Variants in PPP2R1B observed in about 807,000 individuals in gnomAD.
PPP2R1B encodes the protein serine/threonine-protein phosphatase 2A 65 kDa regulatory subunit A beta isoform.
PPP2R1B carries 58 observed loss-of-function variants against 72.7 expected under a neutral mutation model. That is an observed-to-expected ratio of 0.80 (90% CI 0.65 to 0.99). The LOEUF (loss-of-function observed/expected upper bound fraction) is 0.99, where lower values mean the gene tolerates loss of function less well. Ranked by LOEUF, PPP2R1B falls within the 50% of genes least tolerant of loss-of-function variation. PPP2R1B has a pLI of 0.00. For missense variants in PPP2R1B, 695 were observed against 733.6 expected, an observed-to-expected ratio of 0.95 and a Z score of 0.61; for synonymous variants, 256 against 264.6, an observed-to-expected ratio of 0.97 and a Z score of 0.32.
the PPP2R1B span, chr11:111,720,380 A>G: frequency 9.8e-6 from 12 of 1,222,056 alleles, no homozygotes; most frequent in East Asian, 2.7e-4. Flanking sequence ...AATTAAGGAC[A>G]TGGTAGCTGT....
At chr11:111,731,687 C>T (rs1450879941) in intron 15 of PPP2R1B, among the ~76,000 whole-genome samples, 1 of 152,236 alleles carries the variant, frequency 6.6e-6, no homozygotes, top group Non-Finnish European at 1.5e-5. Flanking sequence ...CGGCAGGGCC[C>T]ACACTGGCAG....
rs1805076 is a variant in PPP2R1B, at chr11:111,764,842, C to T, written c.269G>A (p.Gly90Asp). The T allele has an allele frequency of 0.01, 16,947 of 1,614,070 alleles. 108 individuals carry two copies. The highest frequency in any genetic ancestry group is 0.013 in the Non-Finnish European group (15,706 of 1,179,996). ...GGCAAAGTCAGGACCTCCCACTAGG[C>T]CAGTGAAATTTCCCAGCTGCTCAGC... is the stretch of plus-strand genomic sequence containing the variant. ...ALAEQLGNFT[G>D]LVGGPDFAHC... Residue 90 changes from glycine (G) to aspartate (D), a missense_variant, in exon 3 of 15, where the codon GGC becomes GAC. Gly to Asp is a moderately conservative substitution (Grantham distance 94, BLOSUM62 -1). Coordinates refer to ENST00000527614, the MANE Select transcript of PPP2R1B (RefSeq NM_002716.5).
chr11:111,697,446 A>T, the PPP2R1B span, among the ~76,000 whole-genome samples: 2 of 152,314 alleles, frequency 1.3e-5, no homozygotes, highest in South Asian at 4.1e-4. Context: ...TAAAATAATA[A>T]ATAATAATAG....
chr11:111,704,014 G>C, the PPP2R1B span, among the ~76,000 whole-genome samples: 2 of 152,186 alleles, frequency 1.3e-5, no homozygotes, highest in Non-Finnish European at 2.9e-5. Flanking sequence ...CTTTACGATA[G>C]TAAAAAAGCA....
chr11:111,733,613 C>A (rs567802930), downstream of PPP2R1B, among the ~76,000 whole-genome samples: 21 of 152,110 alleles, frequency 1.4e-4, no homozygotes, highest in African/African-American at 4.8e-4. Context: ...CAGGGCCACC[C>A]ACATAGTTGG....
downstream of PPP2R1B, among the ~76,000 whole-genome samples, chr11:111,723,208 C>G (rs1943858099): frequency 6.6e-6 from 1 of 152,184 alleles, no homozygotes; most frequent in Non-Finnish European, 1.5e-5. Flanking sequence ...CCCCTTCTAG[C>G]CTCTCCAGAA....
the PPP2R1B span, among the ~76,000 whole-genome samples, chr11:111,694,752 C>T: frequency 6.6e-6 from 1 of 152,176 alleles, no homozygotes; most frequent in Admixed American, 6.5e-5. Context: ...TAGCATTCCA[C>T]AGTAAGCTGG....
chr11:111,718,716 C>G, the PPP2R1B span: 1 of 152,342 alleles, frequency 6.6e-6, no homozygotes, highest in African/African-American at 2.4e-5. Flanking sequence ...ACATGAGCTT[C>G]TCCTGCTTCC....
At chr11:111,753,693 C>T in intron 8 of PPP2R1B, 116 bp from the exon 9 acceptor site, 3 of 1,057,044 alleles carry the variant, frequency 2.8e-6, no homozygotes, top group Non-Finnish European at 4.0e-6. Context: ...GTGGCATGAC[C>T]TTGGCTCACT....
chr11:111,747,884 C>T (rs981331202), intron 11 of PPP2R1B, 70 bp downstream of exon 11: 5 of 1,448,294 alleles, frequency 3.5e-6, no homozygotes, highest in Non-Finnish European at 4.8e-6. Context: ...GACTGAGATT[C>T]CTTTCTAAAA....
Position 111,753,481 on chromosome 11 carries a change from G to A in PPP2R1B, c.1126C>T (p.His376Tyr). 1 of 1,613,806 alleles carries A rather than the reference G, an allele frequency of 6.2e-7. No individual in the cohort carries two copies. The highest frequency in any genetic ancestry group is 8.5e-7 in the Non-Finnish European group (1 of 1,179,850). The change falls in exon 9 of 15, where the codon CAT (histidine) becomes TAT (tyrosine). Residue 376 changes from histidine to tyrosine, a missense_variant. Transcript: ENST00000527614. ...TILGKENTIE[H>Y]LLPLFLAQLK... ...TGAGCTAAGAAAAGAGGTAGAAGATGTTCAATGGTATTTTCTTTGCCCAAA... is the reference window on the plus strand; with the variant it reads ...TGAGCTAAGAAAAGAGGTAGAAGATATTCAATGGTATTTTCTTTGCCCAAA...
At chr11:111,759,357 T>C (rs577043762) in intron 5 of PPP2R1B, among the ~76,000 whole-genome samples, 42 of 152,356 alleles carry the variant, frequency 2.8e-4, no homozygotes, top group African/African-American at 7.5e-4. Context: ...ATCTTCAGAA[T>C]TGAATACGAT....
rs560157344 is a variant in PPP2R1B, at chr11:111,727,066, C to G, written c.1912-9G>C. 1.5e-4 allele frequency: 239 copies of G among 1,612,216 alleles called. 3 individuals carry two copies. In the South Asian group the frequency reaches 2.3e-3, roughly 16 times the overall value. On this transcript the variant is annotated splice_polypyrimidine_tract_variant and intron_variant, in intron 15 of 15. Coordinates refer to the PPP2R1B transcript ENST00000311129. ...AACTGATACACTGGTCCCTGTAAGG[C>G]AAACAGCATGTTAGCCCGACAGGAA...
the PPP2R1B span, among the ~76,000 whole-genome samples, chr11:111,713,743 C>G: frequency 8.5e-5 from 13 of 152,262 alleles, no homozygotes; most frequent in South Asian, 2.7e-3. Flanking sequence ...CCAAGGCGGA[C>G]AGATCATGAC....
chr11:111,764,938 G>A, intron 2 of PPP2R1B, 33 bp from the exon 3 acceptor site: 1 of 1,609,102 alleles, frequency 6.2e-7, no homozygotes. Context: ...TCATCAACAT[G>A]GATAGCTCTC....
the PPP2R1B span, chr11:111,719,927 T>C: frequency 4.3e-6 from 7 of 1,614,152 alleles, no homozygotes; most frequent in Middle Eastern, 4.9e-4. Flanking sequence ...TTGAGGCATT[T>C]CAGTCCACAC....
the PPP2R1B span, chr11:111,720,506 C>G: frequency 7.5e-6 from 12 of 1,608,458 alleles, no homozygotes; most frequent in Non-Finnish European, 9.3e-6. Context: ...ATGACAGCCC[C>G]TCCCTTGACA....
chr11:111,754,405 C>G, intron 8 of PPP2R1B, 94 bp downstream of exon 8: 2 of 1,473,548 alleles, frequency 1.4e-6, no homozygotes, highest in South Asian at 2.7e-5. Context: ...CCTTTAAACT[C>G]AAAGAGCTTT....
downstream of PPP2R1B, chr11:111,737,837 A>C: frequency 7.9e-7 from 1 of 1,271,782 alleles, no homozygotes; most frequent in East Asian, 3.3e-5. Flanking sequence ...CTGGTCACTG[A>C]TGGTCTCCAG....
Sources: allele counts gnomAD v4.1 joint callset (sites outside exome capture counted in the v4.1 genomes callset), GRCh38; gene constraint gnomAD v4.1.1; transcripts MANE v1.5; gene names NCBI Gene and HGNC (gene_info 2026-07-23, HGNC 2026-07-21).